Variants in ATXN7L1 observed in about 807,000 individuals in gnomAD.
The protein encoded by ATXN7L1 is ataxin 7 like 1.
ATXN7L1 carries 15 observed loss-of-function variants against 70.8 expected under a neutral mutation model. That is an observed-to-expected ratio of 0.21 (90% CI 0.14 to 0.33). ATXN7L1 has a LOEUF of 0.33. ATXN7L1 is among the 10% of genes least tolerant of loss of function. The pLI, the probability that ATXN7L1 is intolerant of heterozygous loss-of-function variation, is 1.00. For missense variants in ATXN7L1, 975 were observed against 1,097.1 expected, an observed-to-expected ratio of 0.89 and a Z score of 1.57; for synonymous variants, 440 against 445.1, an observed-to-expected ratio of 0.99 and a Z score of 0.14.
intron 2 of ATXN7L1, among the ~76,000 whole-genome samples, chr7:105,853,398 C>T (rs985131812): frequency 6.6e-6 from 1 of 152,122 alleles, no homozygotes; most frequent in Non-Finnish European, 1.5e-5. Context: ...ACTAAAAATA[C>T]AACCATTAGG....
chr7:105,710,237 G>A (rs1413180991), intron 3 of ATXN7L1, among the ~76,000 whole-genome samples: 4 of 152,116 alleles, frequency 2.6e-5, no homozygotes. Context: ...GGTAATTTAT[G>A]AAGAAAAGAG....
chr7:105,812,180 A>G (rs564583947), intron 2 of ATXN7L1, among the ~76,000 whole-genome samples: 1 of 152,282 alleles, frequency 6.6e-6, no homozygotes, highest in African/African-American at 2.4e-5. Flanking sequence ...TCTGTACACA[A>G]CCAGCTCCCT....
intron 2 of ATXN7L1, among the ~76,000 whole-genome samples, chr7:105,862,388 A>G (rs1398569268): frequency 6.6e-6 from 1 of 152,120 alleles, no homozygotes; most frequent in Non-Finnish European, 1.5e-5. Flanking sequence ...GCAGTGAACT[A>G]TGATTGTACT....
chr7:105,722,235 G>T (rs1795265527), intron 3 of ATXN7L1, among the ~76,000 whole-genome samples: 2 of 152,120 alleles, frequency 1.3e-5, no homozygotes, highest in Non-Finnish European at 2.9e-5. Context: ...GCGTGCCTGT[G>T]TGTGCCCTCA....
At chr7:105,638,332 T>A (rs1320505408) in intron 7 of ATXN7L1, 21 bp downstream of exon 7, 1 of 1,539,716 alleles carries the variant, frequency 6.5e-7, no homozygotes, top group African/African-American at 1.4e-5. Context: ...TCAGGGCTTC[T>A]ATCGTCAAGG....
intron 11 of ATXN7L1, among the ~76,000 whole-genome samples, chr7:105,609,681 C>G (rs1490904333): frequency 2.0e-5 from 3 of 152,026 alleles, no homozygotes; most frequent in Admixed American, 6.6e-5. Flanking sequence ...AGGCTGGTCT[C>G]AAACTACTGG....
At chr7:105,656,783 A>C (rs10235713) in intron 4 of ATXN7L1, among the ~76,000 whole-genome samples, 20,120 of 152,036 alleles carry the variant, frequency 0.13, 1,496 homozygotes, top group African/African-American at 0.2. Context: ...GTTGGCCAGG[A>C]TCGTCTTGAA....
At chr7:105,652,958 ATCCGGT>A (rs1022753625) in intron 4 of ATXN7L1, among the ~76,000 whole-genome samples, 144 of 152,188 alleles carry the variant, frequency 9.5e-4, no homozygotes, top group African/African-American at 3.3e-3. Flanking sequence ...TTGTATTAGA[ATCCGGT>A]TCTGGGCAGG....
intron 2 of ATXN7L1, among the ~76,000 whole-genome samples, chr7:105,850,779 G>C (rs1296902107): frequency 6.6e-6 from 1 of 152,098 alleles, no homozygotes; most frequent in Middle Eastern, 3.2e-3. Flanking sequence ...AGGAGCTCCC[G>C]GTTTCCCATC....
chr7:105,819,780 C>T (rs914994331), intron 2 of ATXN7L1: 27 of 675,120 alleles, frequency 4.0e-5, no homozygotes, highest in South Asian at 1.3e-4. Context: ...AAGGCCGGGC[C>T]GCCCTGGAGC....
intron 3 of ATXN7L1, among the ~76,000 whole-genome samples, chr7:105,737,500 G>A (rs1314638654): frequency 6.6e-6 from 1 of 151,588 alleles, no homozygotes. Context: ...GTAGCATGCA[G>A]CTCTAGCATG....
chr7:105,736,349 T>A (rs1010694848), intron 3 of ATXN7L1, among the ~76,000 whole-genome samples: 3 of 152,248 alleles, frequency 2.0e-5, no homozygotes, highest in African/African-American at 7.2e-5. Context: ...AATGAACAGG[T>A]CTGTCATTAA....
rs1162738172 is a variant in ATXN7L1, at chr7:105,613,971, T to G, written c.2363A>C (p.Lys788Thr). ...KKRKNSSSSS[K>T]ACKITKMPGM... ...AGGCATTTTAGTGATTTTACAGGCT[T>G]TGCTACTAGAACTCGAGTTCTTACG... is the stretch of plus-strand genomic sequence containing the variant. Residue 788 changes from lysine (K) to threonine (T), a missense_variant, in exon 10 of 12, where the codon AAA becomes ACA. Physicochemically the swap from Lys to Thr is moderately conservative, Grantham distance 78. Around this residue, in one of 5 missense-constraint regions of ATXN7L1, gnomAD observed 635 missense variants for 699.4 expected, o/e 0.91. Coordinates refer to ENST00000419735, the MANE Select transcript of ATXN7L1 (RefSeq NM_020725.2). 6.4e-7 allele frequency: 1 copy of G among 1,552,286 alleles called. No homozygotes were observed. The highest frequency in any genetic ancestry group is 8.7e-7 in the Non-Finnish European group (1 of 1,147,122).
At chr7:105,623,855 T>C (rs2272171) in intron 8 of ATXN7L1, among the ~76,000 whole-genome samples, 54,300 of 152,162 alleles carry the variant, frequency 0.36, 10,758 homozygotes, top group Middle Eastern at 0.51. Flanking sequence ...TAGTAGTATG[T>C]GGAAGTACTT....
intron 3 of ATXN7L1, among the ~76,000 whole-genome samples, chr7:105,669,834 G>A (rs981222094): frequency 1.3e-5 from 2 of 150,234 alleles, no homozygotes; most frequent in Admixed American, 6.7e-5. Context: ...CAGGAGAACC[G>A]CTTAAACCCA....
At chr7:105,681,602 A>C (rs1805565984) in intron 3 of ATXN7L1, among the ~76,000 whole-genome samples, 1 of 152,226 alleles carries the variant, frequency 6.6e-6, no homozygotes, top group African/African-American at 2.4e-5. Context: ...GGGTATACCC[A>C]CATTCATAGC....
At chr7:105,663,457 G>C (rs755038938) in intron 4 of ATXN7L1, among the ~76,000 whole-genome samples, 40 of 152,188 alleles carry the variant, frequency 2.6e-4, no homozygotes, top group Non-Finnish European at 4.4e-4. Flanking sequence ...TTACTCTACA[G>C]CTTGCCTAGG....
At chr7:105,875,080 C>G (rs1362210319) in intron 2 of ATXN7L1, 1 of 152,624 alleles carries the variant, frequency 6.6e-6, no homozygotes, top group African/African-American at 2.4e-5. Flanking sequence ...GAGTTACATA[C>G]GGCAGGCTTG....
At chr7:105,687,192 G>A (rs552483284) in intron 3 of ATXN7L1, among the ~76,000 whole-genome samples, 4 of 152,154 alleles carry the variant, frequency 2.6e-5, no homozygotes, top group African/African-American at 9.7e-5. Context: ...TCTATAAACT[G>A]ATGCATGAGG....
Sources: gnomAD v4.1 joint callset for allele counts (sites outside exome capture counted in the v4.1 genomes callset) on GRCh38, gnomAD v4.1.1 for gene constraint, gnomAD v4.1.1 regional missense constraint, MANE v1.5 for transcripts, NCBI Gene and HGNC (gene_info 2026-07-23, HGNC 2026-07-21) for gene names.